The following MAP3K6 variants were observed in gnomAD, a reference collection of about 807,000 sequenced individuals.
MAP3K6 encodes apoptosis signal-regulating kinase 2.
Under a neutral mutation model 147.1 loss-of-function variants are expected in MAP3K6, and 105 were observed. The observed-to-expected ratio is 0.71, with a 90% CI of 0.61 to 0.84. MAP3K6 has a LOEUF of 0.84. Among genes scored for constraint, MAP3K6 ranks in the 40% least tolerant of loss-of-function variants. MAP3K6 has a pLI of 0.00. For synonymous variants in MAP3K6, 695 were observed against 732.4 expected (o/e 0.95, Z 0.82); for missense variants, 1,569 against 1,715.0 (o/e 0.91, Z 1.50).
rs2015688202 is a variant in MAP3K6 at position 27,360,033 on chromosome 1, T to C, written c.2183-39A>G. The C allele has an allele frequency of 6.2e-7, 1 of 1,611,804 alleles. No homozygotes were observed. The highest frequency in any genetic ancestry group is 1.3e-5 in the African/African-American group (1 of 74,828). On this transcript the variant is annotated intron_variant, in intron 16 of 28. Coordinates refer to ENST00000357582, the MANE Select transcript of MAP3K6 (RefSeq NM_004672.5). This position sits in a 1 kb window ranked among gnomAD's most constrained non-coding sequence, Gnocchi z 4.5. ...GTCCAAGTTCATTCTTCCCACCCAC[T>C]GGCTCCAGCCCACATCTCTCTGCTC... is the stretch of plus-strand genomic sequence containing the variant.
rs749923740 is a variant in MAP3K6, at chr1:27,362,242, G to C, written c.1264C>G (p.Leu422Val). 2.5e-6 allele frequency: 4 copies of C among 1,610,656 alleles called. No homozygotes were observed. The highest frequency in any genetic ancestry group is 3.4e-6 in the Non-Finnish European group (4 of 1,178,392). Reference protein sequence around the residue: ...SKELRLIGMKLGCLLARKGCV... With the variant: ...SKELRLIGMKVGCLLARKGCV... ...CCTTTGCGGGCCAGCAGGCAGCCCA[G>C]CTTCATGCCTGGGGGAGAGAGGCAT... is the stretch of plus-strand genomic sequence containing the variant. The change falls in exon 9 of 29, where the codon CTG (leucine) becomes GTG (valine). Residue 422 changes from leucine (L) to valine (V), a missense_variant. Leu to Val is a conservative substitution (Grantham distance 32, BLOSUM62 1). Coordinates refer to ENST00000357582, the MANE Select transcript of MAP3K6 (RefSeq NM_004672.5).
rs368970741 is a variant in MAP3K6, at chr1:27,360,897, G to T, written c.1920+24C>A. On this transcript the variant is annotated intron_variant, in intron 14 of 28. Coordinates refer to ENST00000357582, the MANE Select transcript of MAP3K6 (RefSeq NM_004672.5). This position sits in a 1 kb window ranked among gnomAD's most constrained non-coding sequence, Gnocchi z 4.5. Reference sequence around the variant, plus strand: ...GGGCCCGCGGCCCCTCGCCCTCCGCGAGCTCCCAGTCCCGCGTCCTCACCT... The same window carrying T: ...GGGCCCGCGGCCCCTCGCCCTCCGCTAGCTCCCAGTCCCGCGTCCTCACCT... 4.4e-6 allele frequency: 7 copies of T among 1,608,256 alleles called. No homozygotes were observed. In the African/African-American group the frequency reaches 8.0e-5, roughly 18 times the overall value.
At chr1:27,363,053 A>C (rs1171715744) in intron 6 of MAP3K6, 32 bp from the exon 7 acceptor site, 2 of 1,596,770 alleles carry the variant, frequency 1.3e-6, no homozygotes, top group East Asian at 4.5e-5. Context: ...GCCCTCCCTG[A>C]TGGCCCTGGC....
Position 27,358,645 on chromosome 1 carries a change from G to A in MAP3K6, c.2584-34C>T. Reference sequence around the variant, plus strand: ...GGAGGGTGAACAAGGGTGACATTCAGAGGTGTCCAAGGCCCAGGCTGGCCC... The same window carrying A: ...GGAGGGTGAACAAGGGTGACATTCAAAGGTGTCCAAGGCCCAGGCTGGCCC... On this transcript the variant is annotated intron_variant, in intron 19 of 28. Transcript: ENST00000357582. This position sits in a 1 kb window ranked among gnomAD's most constrained non-coding sequence, Gnocchi z 6.2. 6.2e-7 allele frequency: 1 copy of A among 1,613,632 alleles called. No homozygotes were observed. Among genetic ancestry groups the A allele is most frequent in the Non-Finnish European group, 8.5e-7 (1 of 1,179,868 alleles).
chr1:27,366,619 G>A lies in MAP3K6; in HGVS notation c.-22C>T, dbSNP rs2015999075. The A allele has an allele frequency of 2.2e-5, 24 of 1,078,852 alleles. No individual in the cohort carries two copies. The highest frequency in any genetic ancestry group is 2.7e-5 in the Non-Finnish European group (24 of 890,664). 66.8% of individuals were successfully genotyped at this position (1,078,852 alleles called of 1,614,324 possible). On this transcript the variant is annotated 5_prime_UTR_variant, in exon 1 of 29. Transcript: ENST00000357582. The surrounding 1 kb of genome is among the most constrained non-coding windows in gnomAD (Gnocchi z 5.5). ...CCATGCGGGGGCGCTCAGGCGCGGG[G>A]CGCCGCGCACTGGGAACCGGGGGCG...
chr1:27,359,635 C>T lies in MAP3K6; in HGVS notation c.2320-113G>A, dbSNP rs752136223. The T allele has an allele frequency of 4.0e-6, 6 of 1,503,238 alleles. No homozygotes were observed. Among genetic ancestry groups the T allele is most frequent in the Non-Finnish European group, 5.4e-6 (6 of 1,105,474 alleles). The allele number at this position is 1,503,238 out of a possible 1,614,324, so 93.1% of individuals were successfully genotyped here. ...CAGCCTGGTCCTGCCTCTGTCAACA[C>T]TCTCCCCTTGCCATCCCACTTATAT... On this transcript the variant is annotated intron_variant, in intron 17 of 28. Coordinates refer to ENST00000357582, the MANE Select transcript of MAP3K6 (RefSeq NM_004672.5). This position sits in a 1 kb window ranked among gnomAD's most constrained non-coding sequence, Gnocchi z 4.4.
At position 27,360,403 on chromosome 1, in the gene MAP3K6, A is replaced by C; in HGVS notation, c.2055-35T>G. Reference sequence around the variant, plus strand: ...GGTAAGGGAGAGAGGAAAGGGACCGAGGTGGGCAGAGAAGCCCCGCCCATC... The same window carrying C: ...GGTAAGGGAGAGAGGAAAGGGACCGCGGTGGGCAGAGAAGCCCCGCCCATC... On this transcript the variant is annotated intron_variant, in intron 15 of 28. Coordinates refer to ENST00000357582, the MANE Select transcript of MAP3K6 (RefSeq NM_004672.5). This position sits in a 1 kb window ranked among gnomAD's most constrained non-coding sequence, Gnocchi z 4.5. 1 of 1,599,216 alleles carries C rather than the reference A, an allele frequency of 6.3e-7. No homozygotes were observed. Among genetic ancestry groups the C allele is most frequent in the South Asian group, 1.1e-5 (1 of 90,070 alleles).
Position 27,360,245 on chromosome 1 carries a change from A to T in MAP3K6, c.2178T>A (p.Pro726=). ...CATCCCACACAGGGCAGGTACCTCC[A>T]GGCACTTCCTCCATGAAGATCTTAA... is the stretch of plus-strand genomic sequence containing the variant. The part of the protein sequence containing the change: ...GYLKIFMEEV[P]GGSLSSLLRS... The change falls in exon 16 of 29, where the codon CCT becomes CCA. Residue 726 remains proline, a synonymous_variant. Transcript: ENST00000357582. The surrounding 1 kb of genome is among the most constrained non-coding windows in gnomAD (Gnocchi z 4.5). The T allele has an allele frequency of 6.2e-7, 1 of 1,613,954 alleles. No individual in the cohort carries two copies. Among genetic ancestry groups the T allele is most frequent in the South Asian group, 1.1e-5 (1 of 91,078 alleles).
Position 27,361,003 on chromosome 1 carries a change from C to A in MAP3K6, c.1838G>T (p.Cys613Phe). The A allele has an allele frequency of 6.3e-7, 1 of 1,593,552 alleles. No individual in the cohort carries two copies. The highest frequency in any genetic ancestry group is 8.6e-7 in the Non-Finnish European group (1 of 1,169,378). ...CGTCACCCAGGCCTGGATCAGGCCG[C>A]AGAACCTGAAGGTGGGGGAGGTCAG... ...FPSVGHCQWF[C>F]GLIQAWVTNP... The change falls in exon 14 of 29, where the codon TGC becomes TTC. Residue 613 changes from cysteine to phenylalanine, a missense_variant. Coordinates refer to ENST00000357582, the MANE Select transcript of MAP3K6 (RefSeq NM_004672.5).
intron 26 of MAP3K6, 53 bp from the exon 27 acceptor site, chr1:27,356,152 G>A (rs368146598): frequency 1.3e-6 from 2 of 1,514,014 alleles, no homozygotes; most frequent in Non-Finnish European, 1.8e-6. Context: ...GCTAGAAGCT[G>A]CCTCGAACCC....
At position 27,356,589 on chromosome 1, in the gene MAP3K6, C is replaced by G. The variant is rs953557891; in HGVS notation, c.3524+1G>C. The G allele has an allele frequency of 6.2e-7, 1 of 1,612,390 alleles. No individual in the cohort carries two copies. The highest frequency in any genetic ancestry group is 8.5e-7 in the Non-Finnish European group (1 of 1,179,016). On this transcript the variant is annotated splice_donor_variant, in intron 25 of 28. Coordinates refer to ENST00000357582, the MANE Select transcript of MAP3K6 (RefSeq NM_004672.5). LOFTEE classifies it high-confidence loss of function. Reference sequence around the variant, plus strand: ...CTATGAGCGATTCCAAGGGGCTTTACCGATCAGTCTCTGCCCTCAAGAGGC... The same window carrying G: ...CTATGAGCGATTCCAAGGGGCTTTAGCGATCAGTCTCTGCCCTCAAGAGGC...
rs1450209681 is a variant in MAP3K6, at chr1:27,364,196, T to C, written c.695+8A>G. The C allele has an allele frequency of 6.2e-7, 1 of 1,609,430 alleles. No individual in the cohort carries two copies. Among genetic ancestry groups the C allele is most frequent in the East Asian group, 2.2e-5 (1 of 44,832 alleles). On this transcript the variant is annotated splice_region_variant and intron_variant, in intron 4 of 28. Coordinates refer to ENST00000357582, the MANE Select transcript of MAP3K6 (RefSeq NM_004672.5). This position sits in a 1 kb window ranked among gnomAD's most constrained non-coding sequence, Gnocchi z 4.4. ...TCCTGGAGCACCCTCCCTGGGGGCC[T>C]TCATTACCAAGAGTCTGTGGGTGTG...
At position 27,362,725 on chromosome 1, in the gene MAP3K6, T is replaced by C. The variant is rs1463225314; in HGVS notation, c.1171A>G (p.Ser391Gly). The change falls in exon 8 of 29, where the codon AGC (serine) becomes GGC (glycine). Residue 391 changes from serine (S) to glycine (G), a missense_variant. Transcript: ENST00000357582. ...GCTGCATTGATGCCTGAGTGAAGGC[T>C]GGGCTCTACGTCAAAAGCCTTGCGA... ...WYRKAFDVEP[S>G]LHSGINAAVL... 6.2e-7 allele frequency: 1 copy of C among 1,611,944 alleles called. No homozygotes were observed. The highest frequency in any genetic ancestry group is 1.7e-5 in the Admixed American group (1 of 59,722).
At chr1:27,356,886 C>T (rs1007311866) in intron 24 of MAP3K6, 123 bp downstream of exon 24, 10 of 1,408,152 alleles carry the variant, frequency 7.1e-6, no homozygotes, top group Admixed American at 2.1e-5. Flanking sequence ...CATTTAGTCA[C>T]GCCCCCACCG....
At chr1:27,356,323 G>C in intron 26 of MAP3K6, 65 bp downstream of exon 26, 1 of 1,442,934 alleles carries the variant, frequency 6.9e-7, no homozygotes. Flanking sequence ...ATGAGCCCAA[G>C]GGTGCCTTGT....
rs1320075216 is a variant in MAP3K6 at position 27,362,263 on chromosome 1, G to A, written c.1256-13C>T. 53 of 1,605,348 alleles carry A rather than the reference G, an allele frequency of 3.3e-5. No individual in the cohort carries two copies. Among genetic ancestry groups the A allele is most frequent in the Non-Finnish European group, 4.1e-5 (48 of 1,175,394 alleles). On this transcript the variant is annotated splice_polypyrimidine_tract_variant and intron_variant, in intron 8 of 28. Coordinates refer to ENST00000357582, the MANE Select transcript of MAP3K6 (RefSeq NM_004672.5). The stretch of plus-strand genomic sequence containing the variant: ...CCCAGCTTCATGCCTGGGGGAGAGA[G>A]GCATGGGCTCCAGTGAGTGTGGGTG...
At chr1:27,363,871 G>C (rs2015874213) in intron 5 of MAP3K6, 46 bp downstream of exon 5, 2 of 1,490,858 alleles carry the variant, frequency 1.3e-6, no homozygotes, top group Non-Finnish European at 1.8e-6. Context: ...GGGTTTGTCT[G>C]ACCTCAAATG....
Position 27,364,676 on chromosome 1 carries a change from A to G in MAP3K6, c.489T>C (p.Val163=). The G allele has an allele frequency of 6.2e-7, 1 of 1,614,112 alleles. No homozygotes were observed. The highest frequency in any genetic ancestry group is 8.5e-7 in the Non-Finnish European group (1 of 1,180,014). ...TTCTGCTCACCGAGTTCTTCTGGAA[A>G]ACATCCTCCTGCAGGAGGCAGACAG... ...LPDLQALRED[V]FQKNSDCVGS... is the part of the protein sequence containing the mutation. Residue 163 remains valine (V), a synonymous_variant, in exon 3 of 29, where the codon GTT becomes GTC. Transcript: ENST00000357582. The surrounding 1 kb of genome is among the most constrained non-coding windows in gnomAD (Gnocchi z 4.4).
chr1:27,355,567 C>A, intron 28 of MAP3K6, 98 bp from the exon 29 acceptor site: 4 of 1,567,472 alleles, frequency 2.6e-6, no homozygotes, highest in Non-Finnish European at 3.5e-6. Flanking sequence ...CCCTAGGGGA[C>A]CCAGGTGCCC....
Sources: allele counts gnomAD v4.1 joint callset, GRCh38; gene constraint gnomAD v4.1.1; non-coding constraint Gnocchi (gnomAD v3.1); transcripts MANE v1.5; gene names NCBI Gene and HGNC (gene_info 2026-07-23, HGNC 2026-07-21).